The following ESPN variants were observed in gnomAD, a reference collection of about 807,000 sequenced individuals.
ESPN encodes the protein espin, also known as autosomal recessive deafness type 36 protein.
ESPN carries 68 observed loss-of-function variants against 77.7 expected under a neutral mutation model. The observed-to-expected ratio is 0.87, with a 90% CI of 0.72 to 1.07. The LOEUF is 1.07. ESPN is among the 50% of genes least tolerant of loss of function. The pLI is 0.00. For synonymous variants in ESPN, 449 were observed against 567.1 expected (o/e 0.79, Z 2.96); for missense variants, 1,060 against 1,239.0 (o/e 0.86, Z 2.17).
At chr1:6,445,988 G>C in intron 7 of ESPN, 53 bp downstream of exon 7, 1 of 1,588,610 alleles carries the variant, frequency 6.3e-7, no homozygotes, top group South Asian at 1.1e-5. Flanking sequence ...TGGGCTGATG[G>C]GGGCCAGTGA....
chr1:6,440,198 A>T, intron 2 of ESPN, 56 bp from the exon 3 acceptor site: 3 of 1,518,932 alleles, frequency 2.0e-6, no homozygotes, highest in Non-Finnish European at 2.7e-6. Flanking sequence ...GCGGGTAAGA[A>T]GGCCTCGGAG....
intron 1 of ESPN, 64 bp downstream of exon 1, chr1:6,425,313 A>C (rs887389966): frequency 3.9e-5 from 59 of 1,527,012 alleles, no homozygotes; most frequent in Non-Finnish European, 4.7e-5. Context: ...CCTGGCCCAG[A>C]GTCCCCCGGG....
chr1:6,445,514 C>T, intron 6 of ESPN, 150 bp from the exon 7 acceptor site: 1 of 855,784 alleles, frequency 1.2e-6, no homozygotes, highest in Non-Finnish European at 1.9e-6. Flanking sequence ...GGAAGCCCAG[C>T]ACCGCCAGGG....
In ESPN at chr1:6,444,584, C is replaced by T. The variant is rs201251427; in HGVS notation, c.1094C>T (p.Pro365Leu). Residue 365 changes from proline to leucine, a missense_variant, in exon 6 of 13, where the codon CCG becomes CTG. This residue lies in a region of ESPN where 556 missense variants were observed against 633.6 expected (regional missense o/e 0.88). Coordinates refer to ENST00000645284, the MANE Select transcript of ESPN (RefSeq NM_031475.3). ...CCCAATACCACGGTGTCGGTCCAGC[C>T]GCTGAACTTTGACCTCAGCTCGCCT... Reference protein sequence around the residue: ...SSPNTTVSVQPLNFDLSSPTS... With the variant: ...SSPNTTVSVQLLNFDLSSPTS... 1.7e-5 allele frequency: 27 copies of T among 1,614,062 alleles called. No homozygotes were observed. Among genetic ancestry groups the T allele is most frequent in the Non-Finnish European group, 1.9e-5 (22 of 1,180,028 alleles).
At chr1:6,455,286 T>TA (rs1198498108) in intron 10 of ESPN, 1 of 388,140 alleles carries the variant, frequency 2.6e-6, no homozygotes, top group Admixed American at 4.5e-5. Flanking sequence ...GCGCATCGTT[T>TA]ACCTCTTCCT....
At chr1:6,445,207 C>T (rs746511674) in intron 6 of ESPN, among the ~76,000 whole-genome samples, 14 of 152,232 alleles carry the variant, frequency 9.2e-5, no homozygotes, top group Middle Eastern at 3.2e-3. Context: ...CACAAATGCA[C>T]GATCGCCTCG....
intron 10 of ESPN, among the ~76,000 whole-genome samples, chr1:6,452,681 T>C (rs1643970588): frequency 1.3e-5 from 2 of 152,200 alleles, no homozygotes; most frequent in Admixed American, 6.5e-5. Flanking sequence ...CTGCTGATGC[T>C]GCTGGTCCAA....
At chr1:6,432,072 C>T (rs1464054387) in intron 2 of ESPN, among the ~76,000 whole-genome samples, 1 of 152,206 alleles carries the variant, frequency 6.6e-6, no homozygotes, top group Non-Finnish European at 1.5e-5. Flanking sequence ...TCAAGTCCAC[C>T]GGAGACTTCC....
intron 5 of ESPN, among the ~76,000 whole-genome samples, chr1:6,442,189 G>T (rs930447852): frequency 1.4e-4 from 21 of 152,216 alleles, no homozygotes; most frequent in African/African-American, 5.1e-4. Context: ...TCATAGGACA[G>T]CAAACACTAT....
In ESPN at chr1:6,460,376, A is replaced by G; in HGVS notation, c.*230A>G. On this transcript the variant is annotated 3_prime_UTR_variant, in exon 13 of 13. Transcript: ENST00000645284. Reference sequence around the variant, plus strand: ...AAGTGCCCAAGCTGCTGACGCAAACAACAACAAATGCTGCTTATTTGCATG... The same window carrying G: ...AAGTGCCCAAGCTGCTGACGCAAACGACAACAAATGCTGCTTATTTGCATG... The G allele has an allele frequency of 5.2e-6, 3 of 575,608 alleles. No individual in the cohort carries two copies. Among genetic ancestry groups the G allele is most frequent in the Non-Finnish European group, 9.3e-6 (3 of 322,942 alleles). The allele number at this position is 575,608 out of a possible 1,614,324, so 35.7% of individuals were successfully genotyped here. A position where few individuals can be genotyped will look rare whatever the true frequency, so the allele number is the denominator to read the frequency against.
At chr1:6,461,238 C>T (rs1197215000), downstream of ESPN, 5 of 751,434 alleles carry the variant, frequency 6.7e-6, 1 homozygote, top group South Asian at 7.4e-5. The surrounding 1 kb of genome is among the most constrained non-coding windows in gnomAD (Gnocchi z 6.3). Flanking sequence ...GTCTTCACCC[C>T]CTCTCGACAT....
intron 2 of ESPN, among the ~76,000 whole-genome samples, chr1:6,432,500 C>G (rs1192958614): frequency 1.3e-5 from 2 of 152,208 alleles, no homozygotes; most frequent in East Asian, 3.9e-4. Context: ...CCCCTCACAG[C>G]AGGAGACCAT....
intron 10 of ESPN, 87 bp downstream of exon 10, chr1:6,452,183 G>T (rs982002252): frequency 7.2e-7 from 1 of 1,380,712 alleles, no homozygotes; most frequent in South Asian, 1.5e-5. Flanking sequence ...CCCCAACCTC[G>T]GGACCTCCCA....
chr1:6,440,301 C>T lies in ESPN; in HGVS notation c.536C>T (p.Ala179Val). The T allele has an allele frequency of 1.9e-6, 3 of 1,555,708 alleles. No individual in the cohort carries two copies. The South Asian group carries it at 3.5e-5, about 18-fold the overall frequency. The change falls in exon 3 of 13, where the codon GCG (alanine) becomes GTG (valine). Residue 179 changes from alanine to valine, a missense_variant. Ala to Val is a moderately conservative substitution (Grantham distance 64, BLOSUM62 0). Coordinates refer to ENST00000645284, the MANE Select transcript of ESPN (RefSeq NM_031475.3). Reference protein sequence around the residue: ...TKNGATPLYLACQEGHLEVTQ... With the variant: ...TKNGATPLYLVCQEGHLEVTQ... ...AACGGTGCCACGCCCCTGTACCTGG[C>T]GTGCCAGGAGGGCCACCTGGAGGTG... is the stretch of plus-strand genomic sequence containing the variant.
intron 2 of ESPN, among the ~76,000 whole-genome samples, chr1:6,433,578 G>T (rs1370906743): frequency 6.6e-6 from 1 of 150,976 alleles, no homozygotes; most frequent in Non-Finnish European, 1.5e-5. Context: ...CTGCATTCCA[G>T]CCTGGGCAAC....
chr1:6,439,047 G>T (rs1303120406), intron 2 of ESPN, among the ~76,000 whole-genome samples: 1 of 152,220 alleles, frequency 6.6e-6, no homozygotes, highest in African/African-American at 2.4e-5. Context: ...AGGAGGCAGA[G>T]GTTGCAGTGA....
intron 7 of ESPN, 116 bp downstream of exon 7, chr1:6,446,051 T>C: frequency 9.4e-7 from 1 of 1,068,600 alleles, no homozygotes; most frequent in Non-Finnish European, 1.4e-6. Context: ...CCTGGGTCCA[T>C]GGCATGTTCA....
intron 2 of ESPN, among the ~76,000 whole-genome samples, chr1:6,433,970 G>T (rs1308714141): frequency 6.6e-6 from 1 of 152,046 alleles, no homozygotes; most frequent in Non-Finnish European, 1.5e-5. Context: ...GCAGTGGCAC[G>T]GCTCACTGCA....
chr1:6,440,495 G>A, intron 3 of ESPN, 55 bp downstream of exon 3: 1 of 1,436,402 alleles, frequency 7.0e-7, no homozygotes, highest in African/African-American at 1.5e-5. Context: ...CCGGCAGGGC[G>A]GGGAGTGGAG....
Sources: allele counts gnomAD v4.1 joint callset (sites outside exome capture counted in the v4.1 genomes callset), GRCh38; gene constraint gnomAD v4.1.1; regional missense constraint gnomAD v4.1.1; non-coding constraint Gnocchi (gnomAD v3.1); transcripts MANE v1.5; gene names NCBI Gene and HGNC (gene_info 2026-07-23, HGNC 2026-07-21).